The following HERC6 variants were observed in gnomAD, a reference collection of about 807,000 sequenced individuals.
HERC6 encodes probable E3 ubiquitin-protein ligase HERC6.
In HERC6, 101 loss-of-function variants were observed where a neutral mutation model predicts 114.5. The observed-to-expected ratio is 0.88, with a 90% CI of 0.75 to 1.04. The LOEUF is 1.04. HERC6 is among the 50% of genes least tolerant of loss of function. The pLI, the probability that HERC6 is intolerant of heterozygous loss-of-function variation, is 0.00. For synonymous variants in HERC6, 408 were observed against 436.2 expected, an observed-to-expected ratio of 0.94 and a Z score of 0.81; for missense variants, 1,133 against 1,230.9, an observed-to-expected ratio of 0.92 and a Z score of 1.19.
intron 12 of HERC6, 74 bp from the exon 13 acceptor site, chr4:88,417,351 A>G: frequency 7.5e-7 from 1 of 1,330,856 alleles, no homozygotes; most frequent in Admixed American, 2.2e-5. Flanking sequence ...CTTACATTAA[A>G]GAACCCACTA....
At chr4:88,398,020 A>T in intron 7 of HERC6, 122 bp from the exon 8 acceptor site, 1 of 579,936 alleles carries the variant, frequency 1.7e-6, no homozygotes, top group Non-Finnish European at 3.0e-6. Flanking sequence ...ATGCATTTGT[A>T]GTCAAAATCC....
chr4:88,422,022 C>T (rs898047677), intron 13 of HERC6, among the ~76,000 whole-genome samples: 3 of 152,262 alleles, frequency 2.0e-5, no homozygotes, highest in Non-Finnish European at 4.4e-5. Context: ...ATCGGATATA[C>T]GATTTGCTAG....
chr4:88,380,632 G>C (rs569764173), intron 1 of HERC6, among the ~76,000 whole-genome samples: 58 of 148,766 alleles, frequency 3.9e-4, no homozygotes, highest in Non-Finnish European at 7.0e-4. Flanking sequence ...CAGGGGAATC[G>C]CTTGAACCCG....
chr4:88,385,898 T>C (rs1289992007), intron 3 of HERC6, among the ~76,000 whole-genome samples: 2 of 152,234 alleles, frequency 1.3e-5, no homozygotes, highest in Non-Finnish European at 2.9e-5. Context: ...GACTTATTTG[T>C]CTATTTCACT....
At chr4:88,388,382 C>G (rs536245175) in intron 3 of HERC6, among the ~76,000 whole-genome samples, 2 of 152,132 alleles carry the variant, frequency 1.3e-5, no homozygotes, top group African/African-American at 4.8e-5. Flanking sequence ...GAAACCCCGT[C>G]TCTACTAAAA....
At chr4:88,402,067 G>A (rs1735570965) in intron 8 of HERC6, among the ~76,000 whole-genome samples, 1 of 152,226 alleles carries the variant, frequency 6.6e-6, no homozygotes, top group African/African-American at 2.4e-5. Flanking sequence ...GAGGATGAAA[G>A]AGGGTGATGA....
At chr4:88,380,295 AT>A (rs1734205313) in intron 1 of HERC6, among the ~76,000 whole-genome samples, 1 of 58,434 alleles carries the variant, frequency 1.7e-5, no homozygotes, top group Non-Finnish European at 2.8e-5. Context: ...TATATAATAT[AT>A]AAATATATAT....
chr4:88,415,570 T>C (rs1458773946), intron 12 of HERC6, among the ~76,000 whole-genome samples: 1 of 152,218 alleles, frequency 6.6e-6, no homozygotes, highest in Admixed American at 6.5e-5. Flanking sequence ...TCAATGAATA[T>C]GAGAATATCG....
Position 88,435,840 on chromosome 4 carries a change from A to AC in HERC6, c.2368dup (p.Gln790ProfsTer25). Reference sequence around the variant, plus strand: ...CTGGCTCTGTATAAAAAACTTCTGGACCAAAAGCCATCATTGGAAGATTTA... The same window carrying AC: ...CTGGCTCTGTATAAAAAACTTCTGGACCCAAAAGCCATCATTGGAAGATTTA... On this transcript the variant is annotated frameshift_variant, in exon 18 of 23. Transcript: ENST00000264346. LOFTEE classifies it high-confidence loss of function. 2 of 1,611,342 alleles carry AC rather than the reference A, an allele frequency of 1.2e-6. No homozygotes were observed. The highest frequency in any genetic ancestry group is 1.7e-6 in the Non-Finnish European group (2 of 1,178,826).
intron 20 of HERC6, 36 bp from the exon 21 acceptor site, chr4:88,439,838 C>CCT: frequency 1.6e-6 from 2 of 1,284,498 alleles, no homozygotes; most frequent in Admixed American, 3.3e-5. Context: ...CTTTTCCTTC[C>CCT]TTTCTTTTTT....
At chr4:88,394,271 A>ATG (rs1231204426) in intron 5 of HERC6, among the ~76,000 whole-genome samples, 3 of 151,876 alleles carry the variant, frequency 2.0e-5, no homozygotes, top group Non-Finnish European at 4.4e-5. Flanking sequence ...TCAGGAGTTC[A>ATG]AGACCAGCCT....
intron 3 of HERC6, among the ~76,000 whole-genome samples, chr4:88,385,905 C>T (rs1021699813): frequency 6.6e-6 from 1 of 152,112 alleles, no homozygotes; most frequent in Non-Finnish European, 1.5e-5. Context: ...TTGTCTATTT[C>T]ACTTAGATCA....
intron 12 of HERC6, 51 bp from the exon 13 acceptor site, chr4:88,417,374 T>TG (rs1736586131): frequency 4.6e-6 from 7 of 1,538,230 alleles, no homozygotes; most frequent in Admixed American, 1.9e-5. Flanking sequence ...AACAGAGATT[T>TG]GGGGGGTGGT....
intron 16 of HERC6, among the ~76,000 whole-genome samples, chr4:88,430,692 C>T (rs1174516850): frequency 2.0e-5 from 3 of 152,110 alleles, no homozygotes; most frequent in African/African-American, 7.2e-5. Flanking sequence ...AGGTCTCATG[C>T]CCAGGCAGAC....
intron 13 of HERC6, among the ~76,000 whole-genome samples, chr4:88,421,004 C>T (rs911749514): frequency 3.9e-5 from 6 of 152,150 alleles, no homozygotes; most frequent in Non-Finnish European, 8.8e-5. Context: ...ACAGATTTGC[C>T]TATTCTGGAC....
chr4:88,385,146 T>C (rs2110231535), intron 2 of HERC6, among the ~76,000 whole-genome samples: 1 of 152,350 alleles, frequency 6.6e-6, no homozygotes, highest in East Asian at 1.9e-4. Context: ...ATGAAGTTGT[T>C]GGTGTTCTAT....
At chr4:88,408,743 C>T in intron 11 of HERC6, 126 bp downstream of exon 11, 1 of 644,962 alleles carries the variant, frequency 1.6e-6, no homozygotes, top group South Asian at 1.8e-5. Flanking sequence ...ACTGCAGAAA[C>T]AAAAATCGAC....
intron 19 of HERC6, 82 bp from the exon 20 acceptor site, chr4:88,437,629 G>T (rs1408541462): frequency 1.2e-6 from 1 of 835,644 alleles, no homozygotes; most frequent in African/African-American, 1.7e-5. Context: ...AGGGGAAAAT[G>T]TATTGGCAAT....
intron 15 of HERC6, among the ~76,000 whole-genome samples, chr4:88,427,052 G>A (rs41323045): frequency 0.12 from 17,726 of 152,024 alleles, 1,222 homozygotes; most frequent in East Asian, 0.21. Context: ...TAATGGACTC[G>A]GGCAGATTGC....
Sources: gnomAD v4.1 joint callset for allele counts (sites outside exome capture counted in the v4.1 genomes callset) on GRCh38, gnomAD v4.1.1 for gene constraint, MANE v1.5 for transcripts, NCBI Gene and HGNC (gene_info 2026-07-23, HGNC 2026-07-21) for gene names.